The following ZNF407 variants were observed in gnomAD, a reference collection of about 807,000 sequenced individuals.
The protein encoded by ZNF407 is zinc finger protein 407.
A neutral mutation model predicts 131.2 loss-of-function variants in ZNF407; 17 were observed. The observed-to-expected ratio is 0.13, with a 90% CI of 0.09 to 0.19. The LOEUF is 0.19. Among genes scored for constraint, ZNF407 ranks in the 10% least tolerant of loss-of-function variants. The pLI, the probability that ZNF407 is intolerant of heterozygous loss-of-function variation, is 1.00. For missense variants in ZNF407, 2,681 were observed against 2,830.6 expected (o/e 0.95, Z 1.20); for synonymous variants, 1,156 against 1,062.0 (o/e 1.09, Z -1.72).
At chr18:74,886,272 G>A (rs192275657) in intron 6 of ZNF407, among the ~76,000 whole-genome samples, 3 of 152,272 alleles carry the variant, frequency 2.0e-5, no homozygotes, top group East Asian at 1.9e-4. Context: ...AGGTGTTGGC[G>A]GGGATTTGAA....
intron 7 of ZNF407, among the ~76,000 whole-genome samples, chr18:74,899,638 G>C (rs1244838507): frequency 6.6e-6 from 1 of 152,200 alleles, no homozygotes; most frequent in Non-Finnish European, 1.5e-5. Flanking sequence ...ATGTGAAAAA[G>C]TGAAACAAGA....
chr18:74,773,593 G>A (rs772048979), intron 3 of ZNF407, among the ~76,000 whole-genome samples: 3 of 152,168 alleles, frequency 2.0e-5, no homozygotes, highest in Non-Finnish European at 4.4e-5. Flanking sequence ...AGTTTTATGC[G>A]AATAATTGTT....
intron 3 of ZNF407, among the ~76,000 whole-genome samples, chr18:74,670,287 T>G (rs1986091396): frequency 6.6e-6 from 1 of 152,218 alleles, no homozygotes; most frequent in Admixed American, 6.5e-5. Context: ...TTATTTAGTT[T>G]AAAGAATCGC....
At position 74,892,856 on chromosome 18, in the gene ZNF407, T is replaced by C. The variant is rs200286844; in HGVS notation, c.5249+2818T>C. ...CGTTTTCAGGCTTTTACCCTGAAAA[T>C]GCTCATGCCTAAGTCTGTGCATGTT... On this transcript the variant is annotated intron_variant, in intron 7 of 8. Transcript: ENST00000299687. Among the ~76,000 whole-genome samples, 26 of 152,214 alleles carry C rather than the reference T, an allele frequency of 1.7e-4. 1 individual carries two copies. The East Asian group carries it at 2.7e-3, about 16-fold the overall frequency.
rs373190199 is a variant in ZNF407 at position 74,977,687 on chromosome 18, G to A, written c.5428+56995G>A. 1.3e-3 allele frequency among the ~76,000 whole-genome samples: 191 copies of A among 152,324 alleles called. 7 individuals are homozygous for A. The South Asian group carries it at 0.037, about 29-fold the overall frequency. Reference sequence around the variant, plus strand: ...GAGCAGTGCCTGTTGATCGGCCACCGAAAGTGTTCCTCACTGGAGAGTCCC... The same window carrying A: ...GAGCAGTGCCTGTTGATCGGCCACCAAAAGTGTTCCTCACTGGAGAGTCCC... On this transcript the variant is annotated intron_variant, in intron 8 of 8. Transcript: ENST00000299687.
chr18:74,881,593 C>T (rs1971239320), intron 6 of ZNF407, among the ~76,000 whole-genome samples: 1 of 152,112 alleles, frequency 6.6e-6, no homozygotes, highest in Admixed American at 6.5e-5. Flanking sequence ...CTCCCTGTCT[C>T]CCTCCCCACC....
chr18:74,720,993 T>C (rs998385773), intron 3 of ZNF407, among the ~76,000 whole-genome samples: 3 of 151,856 alleles, frequency 2.0e-5, no homozygotes, highest in African/African-American at 7.3e-5. Flanking sequence ...TGTGGTTTCA[T>C]TAACATTTTC....
intron 8 of ZNF407, among the ~76,000 whole-genome samples, chr18:75,053,956 C>A (rs1417912129): frequency 2.0e-5 from 3 of 152,240 alleles, no homozygotes; most frequent in Non-Finnish European, 2.9e-5. Context: ...CAGTGGTGGC[C>A]TCCTGCACCC....
chr18:74,914,810 G>A (rs1177277069), intron 7 of ZNF407, among the ~76,000 whole-genome samples: 1 of 152,140 alleles, frequency 6.6e-6, no homozygotes, highest in East Asian at 1.9e-4. Context: ...ACTGATCCTA[G>A]TGTTGGTTAG....
intron 4 of ZNF407, among the ~76,000 whole-genome samples, chr18:74,796,290 A>T (rs1222211935): frequency 1.3e-5 from 2 of 152,208 alleles, no homozygotes; most frequent in Non-Finnish European, 2.9e-5. Context: ...TCTTCAGTAT[A>T]TTAATGGCTT....
chr18:74,786,759 C>G (rs933795679), intron 4 of ZNF407, among the ~76,000 whole-genome samples: 1 of 146,626 alleles, frequency 6.8e-6, no homozygotes, highest in African/African-American at 2.5e-5. Context: ...GATCATATGA[C>G]CTGGTTTTAA....
chr18:74,741,479 G>A (rs955643224), intron 3 of ZNF407, among the ~76,000 whole-genome samples: 10 of 152,070 alleles, frequency 6.6e-5, no homozygotes, highest in African/African-American at 2.4e-4. Flanking sequence ...GGACTAGACT[G>A]TAATGAAAAA....
At position 74,716,130 on chromosome 18, in the gene ZNF407, C is replaced by G. The variant is rs114133051; in HGVS notation, c.4803-65298C>G. Among the ~76,000 whole-genome samples, 965 of 152,294 alleles carry G rather than the reference C, an allele frequency of 6.3e-3. 7 individuals carry two copies. The highest frequency in any genetic ancestry group is 0.022 in the African/African-American group (901 of 41,558). ...TTTTCAAATAGATATTTTGCTGCTC[C>G]AAGCCCTTTTGGCAGGTTTTTAATT... On this transcript the variant is annotated intron_variant, in intron 3 of 8. Coordinates refer to ENST00000299687, the MANE Select transcript of ZNF407 (RefSeq NM_017757.3).
chr18:74,779,533 C>T (rs1489350380), intron 3 of ZNF407, among the ~76,000 whole-genome samples: 1 of 152,012 alleles, frequency 6.6e-6, no homozygotes, highest in Non-Finnish European at 1.5e-5. Flanking sequence ...AAATATTTTG[C>T]ATTTGAACAC....
At chr18:74,963,407 C>T (rs946799888) in intron 8 of ZNF407, among the ~76,000 whole-genome samples, 17 of 152,124 alleles carry the variant, frequency 1.1e-4, no homozygotes, top group African/African-American at 3.6e-4. Context: ...TGCAGGTTAT[C>T]GGGTGGTAAT....
At chr18:75,058,450 C>T (rs1416206375) in intron 8 of ZNF407, among the ~76,000 whole-genome samples, 3 of 152,186 alleles carry the variant, frequency 2.0e-5, no homozygotes, top group Non-Finnish European at 2.9e-5. Flanking sequence ...GTGCCTTCTA[C>T]GCAAAGCTGC....
intron 1 of ZNF407, among the ~76,000 whole-genome samples, chr18:74,629,742 G>T (rs764844311): frequency 3.7e-4 from 57 of 152,148 alleles, no homozygotes; most frequent in Non-Finnish European, 6.3e-4. Flanking sequence ...ACTATAATAC[G>T]TTGATGCCTT....
intron 4 of ZNF407, among the ~76,000 whole-genome samples, chr18:74,810,695 C>T (rs117512580): frequency 0.021 from 3,191 of 152,058 alleles, 44 homozygotes; most frequent in Middle Eastern, 0.051. Context: ...GAAATATCGC[C>T]GCATATCTAC....
chr18:74,883,747 C>T (rs549372344), intron 6 of ZNF407, among the ~76,000 whole-genome samples: 8 of 152,348 alleles, frequency 5.3e-5, no homozygotes, highest in Non-Finnish European at 7.3e-5. Flanking sequence ...CGCACTATGA[C>T]GACAGCCCTT....
Sources: gnomAD v4.1 joint callset for allele counts (sites outside exome capture counted in the v4.1 genomes callset) on GRCh38, gnomAD v4.1.1 for gene constraint, MANE v1.5 for transcripts, NCBI Gene and HGNC (gene_info 2026-07-23, HGNC 2026-07-21) for gene names.